The following DOK7 variants were observed in gnomAD, a reference collection of about 807,000 sequenced individuals.
DOK7 encodes the protein protein Dok-7.
A neutral mutation model predicts 30.7 loss-of-function variants in DOK7; 32 were observed. The observed-to-expected ratio is 1.04, with a 90% CI of 0.79 to 1.40. The LOEUF is 1.40. Ranked by LOEUF, DOK7 falls within the 40% of genes most tolerant of loss-of-function variation. The probability of loss-of-function intolerance (pLI) is 0.00; values close to 1 mark genes in which losing one functional copy is unlikely to be tolerated. For synonymous variants in DOK7, 447 were observed against 324.1 expected (o/e 1.38, Z -4.07); for missense variants, 1,007 against 699.2 (o/e 1.44, Z -4.97).
intron 2 of DOK7, among the ~76,000 whole-genome samples, chr4:3,466,881 C>A (rs894181499): frequency 6.6e-6 from 1 of 152,206 alleles, no homozygotes; most frequent in Admixed American, 6.5e-5. Flanking sequence ...GGCAGGGGCA[C>A]CCTCACGCGT....
At chr4:3,468,540 A>ATGAGTGTGTGTGACTG (rs1560205458) in intron 2 of DOK7, among the ~76,000 whole-genome samples, 397 of 93,170 alleles carry the variant, frequency 4.3e-3, no homozygotes, top group Non-Finnish European at 5.7e-3. Flanking sequence ...CTGTGAGTGT[A>ATGAGTGTGTGTGACTG]TGTGTGTGTG....
In DOK7 at chr4:3,487,956, C is replaced by G. The variant is rs184307482; in HGVS notation, c.653-1721C>G. Among the ~76,000 whole-genome samples, 4 of 152,364 alleles carry G rather than the reference C, an allele frequency of 2.6e-5. No homozygotes were observed. The East Asian group carries it at 7.7e-4, about 29-fold the overall frequency. On this transcript the variant is annotated intron_variant, in intron 5 of 6. Transcript: ENST00000340083. Reference sequence around the variant, plus strand: ...GGTGCCTGCTGTCCTGCCCACGTGGCTGAATGTGTCTGTGAAAGTGCCAGG... The same window carrying G: ...GGTGCCTGCTGTCCTGCCCACGTGGGTGAATGTGTCTGTGAAAGTGCCAGG...
chr4:3,468,744 A>ATG (rs200885245), intron 2 of DOK7, among the ~76,000 whole-genome samples: 19,642 of 94,068 alleles, frequency 0.21, 1,357 homozygotes, highest in Middle Eastern at 0.35. Flanking sequence ...CTGCCTGTGT[A>ATG]TGTGTCTGTG....
At chr4:3,477,767 T>G (rs1328844472) in intron 4 of DOK7, among the ~76,000 whole-genome samples, 1 of 129,698 alleles carries the variant, frequency 7.7e-6, no homozygotes, top group East Asian at 2.3e-4. Context: ...TTGGCCCCTC[T>G]GGGATTGGAG....
chr4:3,492,213 G>GGAGGGAGACTGGGAGT (rs1728513863), intron 6 of DOK7, among the ~76,000 whole-genome samples: 3 of 152,322 alleles, frequency 2.0e-5, no homozygotes, highest in Admixed American at 2.0e-4. Context: ...TCCCCCGCAG[G>GGAGGGAGACTGGGAGT]GAGGGAGACT....
At chr4:3,500,517 G>GC in intron 7 of DOK7, 2 of 1,479,494 alleles carry the variant, frequency 1.4e-6, no homozygotes, top group Non-Finnish European at 9.0e-7. Flanking sequence ...TTTTCCTACA[G>GC]CCTCCCCCCA....
chr4:3,472,122 T>C (rs1726796874), intron 2 of DOK7, among the ~76,000 whole-genome samples: 1 of 152,218 alleles, frequency 6.6e-6, no homozygotes. Flanking sequence ...CTGGCCCCTG[T>C]GGTCACACAG....
intron 4 of DOK7, among the ~76,000 whole-genome samples, chr4:3,480,814 C>A (rs912998069): frequency 3.9e-5 from 6 of 151,964 alleles, no homozygotes; most frequent in African/African-American, 1.4e-4. Flanking sequence ...GGGCGCTGGG[C>A]CTAGGGATCA....
chr4:3,469,037 TGA>T (rs1304995323), intron 2 of DOK7, among the ~76,000 whole-genome samples: 381 of 147,970 alleles, frequency 2.6e-3, no homozygotes, highest in Non-Finnish European at 3.9e-3. Context: ...TGTATGTGTA[TGA>T]GTGTGCATGT....
intron 6 of DOK7, among the ~76,000 whole-genome samples, chr4:3,490,110 CCATTCATTCCTTTTCTCCCTGCT>C (rs1553848862): frequency 1.9e-5 from 1 of 52,734 alleles, no homozygotes; most frequent in African/African-American, 9.0e-5. Flanking sequence ...TTCTTCACCC[CCATTCATTCCTTTTCTCCCTGCT>C]CATTCATTCC....
intron 3 of DOK7, among the ~76,000 whole-genome samples, chr4:3,474,437 C>T (rs1357705987): frequency 1.3e-5 from 2 of 152,192 alleles, no homozygotes; most frequent in African/African-American, 2.4e-5. Flanking sequence ...TCCAGTACTT[C>T]GGGAGGCTGA....
Position 3,492,788 on chromosome 4 carries a change from T to G in DOK7, c.802T>G (p.Ser268Ala). Residue 268 changes from serine (S) to alanine (A), a missense_variant, in exon 7 of 7, where the codon TCA (serine) becomes GCA (alanine). Physicochemically the swap from Ser to Ala is moderately conservative, Grantham distance 99. Transcript: ENST00000340083. ...TGACCGCAGCCTGTCCAGCTCATCC[T>G]CAGAGGCCAGTCACTTGGACGTCAG... is the stretch of plus-strand genomic sequence containing the variant. Reference protein sequence around the residue: ...GDDRSLSSSSSEASHLDVSAS... With the variant: ...GDDRSLSSSSAEASHLDVSAS... The G allele has an allele frequency of 6.2e-7, 1 of 1,612,762 alleles. No individual in the cohort carries two copies. Among genetic ancestry groups the G allele is most frequent in the Non-Finnish European group, 8.5e-7 (1 of 1,179,964 alleles).
rs1041543813 is a variant in DOK7 at position 3,485,451 on chromosome 4, G to A, written c.533-88G>A. On this transcript the variant is annotated intron_variant, in intron 4 of 6. Transcript: ENST00000340083. ...GGTGTCATTGTCGGCTCTTGGTGGA[G>A]TTTGCTGCGGTTTCCTGTGTTCCTC... is the stretch of plus-strand genomic sequence containing the variant. The A allele has an allele frequency of 7.2e-6, 10 of 1,389,874 alleles. No homozygotes were observed. In the South Asian group the frequency reaches 1.8e-4, roughly 25 times the overall value. 86.1% of individuals were successfully genotyped at this position (1,389,874 alleles called of 1,614,324 possible).
At chr4:3,490,407 A>AC (rs370375973) in intron 6 of DOK7, among the ~76,000 whole-genome samples, 333 of 7,162 alleles carry the variant, frequency 0.046, 6 homozygotes, top group Middle Eastern at 0.071. Flanking sequence ...TCCTTCTTTC[A>AC]CCCCCCCCAC....
Position 3,494,138 on chromosome 4 carries a change from G to A in DOK7, c.*637G>A, listed in dbSNP as rs567689125. ...CCTTGTGGGAAGGTTCCGGGAGCAG[G>A]TGGTGTCCTCAGAGCAGCCTCGCCT... On this transcript the variant is annotated 3_prime_UTR_variant, in exon 7 of 7. Transcript: ENST00000340083. 5 of 985,782 alleles carry A rather than the reference G, an allele frequency of 5.1e-6. No individual in the cohort carries two copies. The East Asian group carries it at 4.5e-4, about 89-fold the overall frequency. 61.1% of individuals were successfully genotyped at this position (985,782 alleles called of 1,614,324 possible). A position where few individuals can be genotyped will look rare whatever the true frequency, so the allele number is the denominator to read the frequency against.
chr4:3,469,107 CATGT>C (rs372187872), intron 2 of DOK7, among the ~76,000 whole-genome samples: 3,386 of 145,038 alleles, frequency 0.023, 133 homozygotes, highest in African/African-American at 0.083. Flanking sequence ...TGTGTGCGTG[CATGT>C]ATGTGTGCAC....
In DOK7 at chr4:3,493,762, C is replaced by T; in HGVS notation, c.*261C>T. The T allele has an allele frequency of 7.1e-7, 1 of 1,400,644 alleles. No individual in the cohort carries two copies. The highest frequency in any genetic ancestry group is 9.3e-7 in the Non-Finnish European group (1 of 1,081,044). 86.8% of individuals were successfully genotyped at this position (1,400,644 alleles called of 1,614,324 possible). The stretch of plus-strand genomic sequence containing the variant: ...AGAGCCCCAATGCTCAGCTGCTTCA[C>T]TCCGTGTCCCCCACCCCTGAGGATC... On this transcript the variant is annotated 3_prime_UTR_variant, in exon 7 of 7. Coordinates refer to ENST00000340083, the MANE Select transcript of DOK7 (RefSeq NM_173660.5).
intron 6 of DOK7, among the ~76,000 whole-genome samples, chr4:3,491,498 C>T (rs1728441032): frequency 1.0e-5 from 1 of 95,580 alleles, no homozygotes; most frequent in Admixed American, 1.3e-4. Context: ...CCTTGTCCCT[C>T]CGCTTATTCC....
chr4:3,492,590 G>C (rs112526400), intron 6 of DOK7, among the ~76,000 whole-genome samples, 169 bp from the exon 7 acceptor site: 10 of 152,050 alleles, frequency 6.6e-5, no homozygotes, highest in African/African-American at 2.4e-4. Context: ...GGGTAGAGGG[G>C]TTGTTGTTGG....
Sources: allele counts gnomAD v4.1 joint callset (sites outside exome capture counted in the v4.1 genomes callset), GRCh38; gene constraint gnomAD v4.1.1; transcripts MANE v1.5; gene names NCBI Gene and HGNC (gene_info 2026-07-23, HGNC 2026-07-21).